Variants in PTPRJ observed in about 807,000 individuals in gnomAD.
The protein encoded by PTPRJ is receptor-type tyrosine-protein phosphatase eta.
Under a neutral mutation model 141.3 loss-of-function variants are expected in PTPRJ, and 129 were observed. The ratio of observed to expected loss-of-function variants is 0.91; its 90% CI spans 0.79 to 1.06. The LOEUF (loss-of-function observed/expected upper bound fraction) is 1.06, where lower values mean the gene tolerates loss of function less well. PTPRJ is among the 50% of genes least tolerant of loss of function. The pLI, the probability that PTPRJ is intolerant of heterozygous loss-of-function variation, is 0.00. For synonymous variants in PTPRJ, 610 were observed against 640.5 expected, an observed-to-expected ratio of 0.95 and a Z score of 0.72; for missense variants, 1,601 against 1,679.7, an observed-to-expected ratio of 0.95 and a Z score of 0.82.
chr11:48,043,271 C>A (rs1215792063), intron 1 of PTPRJ, among the ~76,000 whole-genome samples: 1 of 152,166 alleles, frequency 6.6e-6, no homozygotes, highest in Admixed American at 6.5e-5. Context: ...GGCTGGAGTG[C>A]AGTGCCATGA....
In PTPRJ at chr11:48,130,593, A is replaced by G. The variant is rs770763662; in HGVS notation, c.1492A>G (p.Ile498Val). Residue 498 changes from isoleucine (I) to valine (V), a missense_variant, in exon 8 of 25, where the codon ATA (isoleucine) becomes GTA (valine). Physicochemically the swap from Ile to Val is conservative, Grantham distance 29 (BLOSUM62 3). Transcript: ENST00000418331. The part of the protein sequence containing the change: ...QEGAGNSRVE[I>V]TTNQSIIIGG... ...GGGAGCTGGCAATTCTCGGGTAGAA[A>G]TAACCACCAACCAAAGTATTATCAT... 2 of 1,614,158 alleles carry G rather than the reference A, an allele frequency of 1.2e-6. No individual in the cohort carries two copies. Among genetic ancestry groups the G allele is most frequent in the Non-Finnish European group, 1.7e-6 (2 of 1,180,028 alleles).
rs1372198028 is a variant in PTPRJ, at chr11:48,146,911, G to C, written c.2947G>C (p.Gly983Arg). Reference protein sequence around the residue: ...ICGAVFGCIFGALVIVTVGGF... With the variant: ...ICGAVFGCIFRALVIVTVGGF... ...TGGAGCGGTTTTTGGCTGTATCTTT[G>C]GTGCCCTGGTTATTGTGACTGTGGG... The change falls in exon 15 of 25, where the codon GGT becomes CGT. Residue 983 changes from glycine to arginine, a missense_variant. By Grantham distance (125) the Gly-to-Arg change is moderately radical. Transcript: ENST00000418331. 3 of 1,614,008 alleles carry C rather than the reference G, an allele frequency of 1.9e-6. No individual in the cohort carries two copies. Among genetic ancestry groups the C allele is most frequent in the Non-Finnish European group, 8.5e-7 (1 of 1,179,992 alleles).
intron 1 of PTPRJ, among the ~76,000 whole-genome samples, chr11:48,001,743 G>T (rs1206017591): frequency 6.6e-6 from 1 of 152,126 alleles, no homozygotes; most frequent in Non-Finnish European, 1.5e-5. Context: ...CCAGCCTGAG[G>T]CCACACAGCC....
chr11:48,142,351 T>C (rs1212579878), intron 11 of PTPRJ, among the ~76,000 whole-genome samples: 1 of 152,232 alleles, frequency 6.6e-6, no homozygotes, highest in African/African-American at 2.4e-5. Context: ...CCATGTGAAC[T>C]TTAGGATTTT....
chr11:48,026,450 G>C (rs1157937253), intron 1 of PTPRJ, among the ~76,000 whole-genome samples: 1 of 151,898 alleles, frequency 6.6e-6, no homozygotes, highest in Non-Finnish European at 1.5e-5. Flanking sequence ...CTGTGGCCAT[G>C]AGCCTCACTG....
intron 1 of PTPRJ, 61 bp downstream of exon 1, chr11:47,981,069 C>T (rs1853890137): frequency 3.3e-6 from 4 of 1,198,654 alleles, no homozygotes; most frequent in Non-Finnish European, 4.1e-6. Flanking sequence ...GCATTGACTG[C>T]ACCTGCCCGA....
Position 48,021,376 on chromosome 11 carries a change from A to AAAATAAATAAAT in PTPRJ, c.96+40404_96+40415dup, listed in dbSNP as rs71457241. On this transcript the variant is annotated intron_variant, in intron 1 of 24. Transcript: ENST00000418331. ...GCGGCAAGAGCAAGACTCCGTCCCTAAAATAAATAAATAAATAAATAAATA... is the reference window on the plus strand; with the variant it reads ...GCGGCAAGAGCAAGACTCCGTCCCTAAAATAAATAAATAAATAAATAAATAAATAAATAAATA... Among the ~76,000 whole-genome samples the AAAATAAATAAAT allele has an allele frequency of 1.5e-3, 204 of 136,536 alleles. 2 individuals carry two copies. The highest frequency in any genetic ancestry group is 2.2e-3 in the South Asian group (9 of 4,160). The allele number at this position is 136,536 out of a possible 152,430, so 89.6% of individuals were successfully genotyped here.
intron 22 of PTPRJ, among the ~76,000 whole-genome samples, chr11:48,161,237 G>C (rs979023608): frequency 6.7e-6 from 1 of 148,974 alleles, no homozygotes; most frequent in Non-Finnish European, 1.5e-5. Context: ...ATTACCATGG[G>C]GACATGGTAG....
intron 14 of PTPRJ, among the ~76,000 whole-genome samples, chr11:48,146,572 C>T (rs1402423267): frequency 6.6e-6 from 1 of 152,194 alleles, no homozygotes; most frequent in Admixed American, 6.5e-5. Context: ...GAAAATCCAG[C>T]CCAGTTCCCT....
chr11:48,155,820 A>C lies in PTPRJ; in HGVS notation c.3249A>C (p.Lys1083Asn). The C allele has an allele frequency of 6.2e-7, 1 of 1,604,092 alleles. No homozygotes were observed. The highest frequency in any genetic ancestry group is 8.5e-7 in the Non-Finnish European group (1 of 1,172,218). Residue 1083 changes from lysine (K) to asparagine (N), a missense_variant, in exon 20 of 25, where the codon AAA becomes AAC. Lys to Asn is a moderately conservative substitution (Grantham distance 94). Coordinates refer to ENST00000418331, the MANE Select transcript of PTPRJ (RefSeq NM_002843.4). ...TCACAGATGATATTTCCCGTGTCAA[A>C]CTTTCGGTCCAGACCCATTCAACGG... ...NVLPYDISRV[K>N]LSVQTHSTDD...
At chr11:48,125,666 T>C (rs1856813792) in intron 6 of PTPRJ, among the ~76,000 whole-genome samples, 1 of 152,216 alleles carries the variant, frequency 6.6e-6, no homozygotes, top group Non-Finnish European at 1.5e-5. Context: ...GCACTTTCAC[T>C]CTGTAAGTTC....
In PTPRJ at chr11:47,981,678, C is replaced by CCACCCT. The variant is rs751748837; in HGVS notation, c.96+678_96+683dup. ...TGGGCGCTGGCTCCCCCTCCCCACC[C>CCACCCT]CACCCTCACCCTCTTTTCTGGCTTC... On this transcript the variant is annotated intron_variant, in intron 1 of 24. Coordinates refer to ENST00000418331, the MANE Select transcript of PTPRJ (RefSeq NM_002843.4). Among the ~76,000 whole-genome samples the CCACCCT allele has an allele frequency of 2.7e-4, 41 of 152,340 alleles. No individual in the cohort carries two copies. In the South Asian group the frequency reaches 6.4e-3, roughly 24 times the overall value.
chr11:48,141,995 G>C (rs1487778418), intron 11 of PTPRJ, among the ~76,000 whole-genome samples: 1 of 150,624 alleles, frequency 6.6e-6, no homozygotes, highest in African/African-American at 2.4e-5. Context: ...TAATGTTTAA[G>C]GCTTGAATCT....
intron 10 of PTPRJ, among the ~76,000 whole-genome samples, chr11:48,137,788 G>C (rs755579996): frequency 6.6e-6 from 1 of 152,140 alleles, no homozygotes; most frequent in Non-Finnish European, 1.5e-5. Context: ...GCCTGAGTGG[G>C]GCTGAGCCAG....
At position 48,169,818 on chromosome 11, in the gene PTPRJ, G is replaced by A. The variant is rs989143860; in HGVS notation, c.*2456G>A. Reference sequence around the variant, plus strand: ...TGGTGTGGGCTTGGGAAATGGGCAAGCGGCCCCAGCAATCATGGGAGGAAC... The same window carrying A: ...TGGTGTGGGCTTGGGAAATGGGCAAACGGCCCCAGCAATCATGGGAGGAAC... On this transcript the variant is annotated 3_prime_UTR_variant, in exon 25 of 25. Coordinates refer to ENST00000418331, the MANE Select transcript of PTPRJ (RefSeq NM_002843.4). 6.6e-6 allele frequency: 1 copy of A among 152,220 alleles called. No individual in the cohort carries two copies. Among genetic ancestry groups the A allele is most frequent in the African/African-American group, 2.4e-5 (1 of 41,458 alleles). The allele number at this position is 152,220 out of a possible 1,614,324, so 9.4% of individuals were successfully genotyped here.
intron 1 of PTPRJ, among the ~76,000 whole-genome samples, chr11:48,008,192 G>A (rs1293749581): frequency 2.0e-5 from 3 of 152,182 alleles, no homozygotes; most frequent in Non-Finnish European, 4.4e-5. Flanking sequence ...GGGAGGCTGA[G>A]CCCATGCGTG....
At chr11:48,107,323 A>G (rs538084162) in intron 1 of PTPRJ, among the ~76,000 whole-genome samples, 7 of 152,196 alleles carry the variant, frequency 4.6e-5, no homozygotes, top group African/African-American at 1.7e-4. Flanking sequence ...AACTAGAACC[A>G]TCTCTAGGGC....
intron 3 of PTPRJ, among the ~76,000 whole-genome samples, chr11:48,117,270 G>C (rs1241296946): frequency 6.6e-6 from 1 of 152,164 alleles, no homozygotes; most frequent in Non-Finnish European, 1.5e-5. Context: ...CCTGGGCACA[G>C]TGGCTCGTGC....
intron 1 of PTPRJ, among the ~76,000 whole-genome samples, chr11:48,000,510 G>A (rs1334590795): frequency 1.3e-5 from 2 of 151,834 alleles, no homozygotes; most frequent in Non-Finnish European, 2.9e-5. Context: ...GCTTCATATC[G>A]CTGTTAGTAT....
Sources: allele counts gnomAD v4.1 joint callset (sites outside exome capture counted in the v4.1 genomes callset), GRCh38; gene constraint gnomAD v4.1.1; transcripts MANE v1.5; gene names NCBI Gene and HGNC (gene_info 2026-07-23, HGNC 2026-07-21).